LRRC37A2: variants seen among roughly 807,000 people sequenced by gnomAD.
The protein encoded by LRRC37A2 is leucine rich repeat containing 37 member A2, also known as leucine-rich repeat-containing protein 37A2.
Under a neutral mutation model 68.8 loss-of-function variants are expected in LRRC37A2, and 9 were observed. The observed-to-expected ratio is 0.13, with a 90% CI of 0.08 to 0.23. The LOEUF (loss-of-function observed/expected upper bound fraction) is 0.23, where lower values mean the gene tolerates loss of function less well. Ranked by LOEUF, LRRC37A2 falls within the 10% of genes least tolerant of loss-of-function variation. The pLI is 1.00. For synonymous variants in LRRC37A2, 63 were observed against 367.6 expected, an observed-to-expected ratio of 0.17 and a Z score of 9.48; for missense variants, 168 against 950.4, an observed-to-expected ratio of 0.18 and a Z score of 10.82.
the LRRC37A2 span, among the ~76,000 whole-genome samples, chr17:46,458,285 C>T: frequency 1.8e-5 from 2 of 111,022 alleles, no homozygotes; most frequent in African/African-American, 3.0e-5. Flanking sequence ...TCGTAAGATA[C>T]GGGCTGCAGC....
the LRRC37A2 span, among the ~76,000 whole-genome samples, chr17:47,001,795 C>T: frequency 7.2e-6 from 1 of 139,296 alleles, no homozygotes; most frequent in South Asian, 2.3e-4. Flanking sequence ...GATCTCGGCT[C>T]ACTGCAACCT....
the LRRC37A2 span, among the ~76,000 whole-genome samples, chr17:46,834,622 G>A: frequency 6.6e-6 from 1 of 152,130 alleles, no homozygotes; most frequent in Non-Finnish European, 1.5e-5. Context: ...CCCTGTCCCT[G>A]AGGCTGGGCA....
At chr17:46,737,677 T>G in the LRRC37A2 span, among the ~76,000 whole-genome samples, 1 of 151,982 alleles carries the variant, frequency 6.6e-6, no homozygotes, top group Non-Finnish European at 1.5e-5. Flanking sequence ...GAAAACATGA[T>G]GCATAGAGTT....
the LRRC37A2 span, among the ~76,000 whole-genome samples, chr17:46,907,999 G>A: frequency 1.3e-5 from 2 of 152,144 alleles, no homozygotes; most frequent in African/African-American, 2.4e-5. Flanking sequence ...CACTGTGGGA[G>A]AGCAGGCTGG....
the LRRC37A2 span, among the ~76,000 whole-genome samples, chr17:46,841,398 A>C: frequency 6.6e-6 from 1 of 152,218 alleles, no homozygotes; most frequent in African/African-American, 2.4e-5. Flanking sequence ...AAAGTCATGC[A>C]TCGATATTCA....
chr17:46,935,324 T>G, the LRRC37A2 span: 1 of 1,504,486 alleles, frequency 6.6e-7, no homozygotes, highest in South Asian at 1.4e-5. Context: ...TCTGTTGGAG[T>G]TGAGTTATTG....
the LRRC37A2 span, chr17:46,884,999 T>G: frequency 2.3e-6 from 1 of 438,834 alleles, no homozygotes; most frequent in Non-Finnish European, 4.5e-6. Flanking sequence ...TCCTTAGCTT[T>G]TTTTTTTAGA....
chr17:46,925,091 C>T, the LRRC37A2 span, among the ~76,000 whole-genome samples: 1 of 151,474 alleles, frequency 6.6e-6, no homozygotes, highest in Non-Finnish European at 1.5e-5. Flanking sequence ...TGTAGGCCTC[C>T]AACAATGCAC....
the LRRC37A2 span, among the ~76,000 whole-genome samples, chr17:46,804,662 T>A: frequency 1.3e-5 from 2 of 152,160 alleles, no homozygotes; most frequent in African/African-American, 2.4e-5. Flanking sequence ...ATGGGTCACC[T>A]GGGAGGAATT....
At chr17:46,720,489 G>A in the LRRC37A2 span, among the ~76,000 whole-genome samples, 1 of 152,188 alleles carries the variant, frequency 6.6e-6, no homozygotes, top group Non-Finnish European at 1.5e-5. Flanking sequence ...GGAAGCTTTA[G>A]AGCTTTGCCA....
At chr17:46,768,259 C>G in the LRRC37A2 span, 2 of 1,609,660 alleles carry the variant, frequency 1.2e-6, no homozygotes, top group Non-Finnish European at 1.7e-6. The surrounding 1 kb of genome is among the most constrained non-coding windows in gnomAD (Gnocchi z 5.0). Context: ...GGCAAACAAC[C>G]CCATTCCCTG....
the LRRC37A2 span, among the ~76,000 whole-genome samples, chr17:46,716,762 G>A: frequency 8.5e-5 from 13 of 152,246 alleles, no homozygotes; most frequent in Middle Eastern, 3.4e-3. Flanking sequence ...ATTCATATTT[G>A]TCCTTCAATT....
the LRRC37A2 span, among the ~76,000 whole-genome samples, chr17:47,003,723 C>CTT: frequency 1.3e-3 from 188 of 149,960 alleles, no homozygotes; most frequent in Middle Eastern, 3.4e-3. Flanking sequence ...CTATATTTGC[C>CTT]TTTTTTTTTT....
the LRRC37A2 span, among the ~76,000 whole-genome samples, chr17:46,467,727 A>G: frequency 9.5e-6 from 1 of 104,994 alleles, no homozygotes. Flanking sequence ...TGTGTGTTAC[A>G]TGATAAAGAA....
At chr17:46,765,404 T>C in the LRRC37A2 span, among the ~76,000 whole-genome samples, 5 of 152,180 alleles carry the variant, frequency 3.3e-5, no homozygotes, top group African/African-American at 9.7e-5. Flanking sequence ...ACCAAATCAA[T>C]GGTTAGCCAG....
At chr17:46,468,533 A>AT in the LRRC37A2 span, among the ~76,000 whole-genome samples, 1 of 5,034 alleles carries the variant, frequency 2.0e-4, no homozygotes, top group East Asian at 1.2e-3. Flanking sequence ...CTCATTTCCA[A>AT]TTTTTTCTCC....
chr17:46,768,767 C>T, the LRRC37A2 span: 2 of 1,614,032 alleles, frequency 1.2e-6, no homozygotes, highest in South Asian at 2.2e-5. This position sits in a 1 kb window ranked among gnomAD's most constrained non-coding sequence, Gnocchi z 5.0. Context: ...GCCCGTGGCA[C>T]TTGCATTTGA....
the LRRC37A2 span, among the ~76,000 whole-genome samples, chr17:46,796,001 G>T: frequency 5.9e-5 from 9 of 152,120 alleles, no homozygotes; most frequent in Non-Finnish European, 1.3e-4. Context: ...AAAAAGAACT[G>T]ATCAGGTTGT....
At chr17:46,931,358 TTCTA>T in the LRRC37A2 span, 9 of 670,718 alleles carry the variant, frequency 1.3e-5, no homozygotes, top group Admixed American at 1.7e-4. Context: ...AAGGGCACAA[TTCTA>T]TCTGAGTGAT....
Sources: gnomAD v4.1 joint callset for allele counts (sites outside exome capture counted in the v4.1 genomes callset) on GRCh38, gnomAD v4.1.1 for gene constraint, Gnocchi (gnomAD v3.1) non-coding constraint, MANE v1.5 for transcripts, NCBI Gene and HGNC (gene_info 2026-07-23, HGNC 2026-07-21) for gene names.